The following ROBO2 variants were observed in gnomAD, a reference collection of about 807,000 sequenced individuals.
ROBO2 encodes roundabout homolog 2.
ROBO2 carries 53 observed loss-of-function variants against 160.8 expected under a neutral mutation model. The ratio of observed to expected loss-of-function variants is 0.33; its 90% CI spans 0.26 to 0.41. ROBO2 has a LOEUF of 0.41. ROBO2 is among the 10% of genes least tolerant of loss of function. The pLI, the probability that ROBO2 is intolerant of heterozygous loss-of-function variation, is 1.00. For missense variants in ROBO2, 1,577 were observed against 1,722.4 expected, an observed-to-expected ratio of 0.92 and a Z score of 1.49; for synonymous variants, 664 against 611.7, an observed-to-expected ratio of 1.09 and a Z score of -1.26.
chr3:76,372,882 C>T (rs1188960320), intron 2 of ROBO2, among the ~76,000 whole-genome samples: 1 of 152,034 alleles, frequency 6.6e-6, no homozygotes, highest in East Asian at 1.9e-4. Flanking sequence ...CTTCCAGAAC[C>T]AGATCAAACA....
At chr3:76,065,221 C>T (rs955771893) in intron 2 of ROBO2, among the ~76,000 whole-genome samples, 6 of 152,028 alleles carry the variant, frequency 3.9e-5, no homozygotes, top group Non-Finnish European at 7.4e-5. Flanking sequence ...CCCAAAAATG[C>T]TTTAAACAAT....
intron 2 of ROBO2, among the ~76,000 whole-genome samples, chr3:76,630,731 G>A (rs1448514991): frequency 3.9e-5 from 6 of 152,192 alleles, no homozygotes; most frequent in South Asian, 4.1e-4. Flanking sequence ...GACTCCAGGT[G>A]TGTAAGATCA....
In ROBO2 at chr3:75,928,760, C is replaced by T. The variant is rs116194455; in HGVS notation, c.-13-8721C>T. Reference sequence around the variant, plus strand: ...GTACCTTCAAACATGAGATCTGCAGCTGGTTAAGACGTGTGTGTGTGTGTG... The same window carrying T: ...GTACCTTCAAACATGAGATCTGCAGTTGGTTAAGACGTGTGTGTGTGTGTG... On this transcript the variant is annotated intron_variant, in intron 1 of 26. Transcript: ENST00000487694. 4.9e-3 allele frequency among the ~76,000 whole-genome samples: 742 copies of T among 151,968 alleles called. 7 individuals are homozygous for T. Among genetic ancestry groups the T allele is most frequent in the African/African-American group, 0.017 (710 of 41,414 alleles).
At chr3:76,142,843 T>C (rs530773087) in intron 2 of ROBO2, among the ~76,000 whole-genome samples, 2 of 151,986 alleles carry the variant, frequency 1.3e-5, no homozygotes, top group Non-Finnish European at 2.9e-5. Context: ...GCTTGAGGGA[T>C]GAATACCTAT....
chr3:77,229,642 C>T (rs903661707), intron 2 of ROBO2, among the ~76,000 whole-genome samples: 2 of 146,058 alleles, frequency 1.4e-5, no homozygotes, highest in Non-Finnish European at 3.0e-5. Context: ...GCCCAGGCAA[C>T]AGAGTAAGGG....
At chr3:75,979,503 T>TC (rs1289224588) in intron 2 of ROBO2, among the ~76,000 whole-genome samples, 1 of 151,462 alleles carries the variant, frequency 6.6e-6, no homozygotes, top group African/African-American at 2.4e-5. Context: ...GAAAAATGGT[T>TC]CCGAGGACAG....
At chr3:77,353,185 A>T (rs2153460072) in intron 2 of ROBO2, among the ~76,000 whole-genome samples, 1 of 152,280 alleles carries the variant, frequency 6.6e-6, no homozygotes, top group Non-Finnish European at 1.5e-5. Context: ...GTAACTTTGT[A>T]GTCTCTCTAA....
At chr3:76,688,713 C>T (rs2092736053) in intron 2 of ROBO2, among the ~76,000 whole-genome samples, 1 of 151,518 alleles carries the variant, frequency 6.6e-6, no homozygotes, top group Non-Finnish European at 1.5e-5. Flanking sequence ...CATTATTTTC[C>T]TGTGAATGAG....
intron 2 of ROBO2, among the ~76,000 whole-genome samples, chr3:77,238,218 T>C (rs2088388642): frequency 6.6e-6 from 1 of 152,222 alleles, no homozygotes; most frequent in Non-Finnish European, 1.5e-5. Flanking sequence ...ATGTAGCATA[T>C]AGTTTTTATT....
At chr3:76,834,167 T>C (rs11716154) in intron 2 of ROBO2, among the ~76,000 whole-genome samples, 1 of 120,992 alleles carries the variant, frequency 8.3e-6, no homozygotes, top group African/African-American at 3.1e-5. Context: ...CTCTCTTTCT[T>C]TCTTTCTCTC....
chr3:77,142,565 G>A (rs1403332817), intron 2 of ROBO2, among the ~76,000 whole-genome samples: 1 of 152,112 alleles, frequency 6.6e-6, no homozygotes, highest in Non-Finnish European at 1.5e-5. Context: ...TTTGCTATTG[G>A]AGCCTGTTGC....
At chr3:76,231,349 C>T (rs1156958647) in intron 2 of ROBO2, among the ~76,000 whole-genome samples, 1 of 152,128 alleles carries the variant, frequency 6.6e-6, no homozygotes, top group Non-Finnish European at 1.5e-5. Flanking sequence ...CCCTTAGCAC[C>T]CACTGCTCTG....
intron 2 of ROBO2, among the ~76,000 whole-genome samples, chr3:76,542,279 A>G (rs1378583938): frequency 1.3e-5 from 2 of 152,146 alleles, no homozygotes; most frequent in African/African-American, 4.8e-5. Context: ...GCAGGAATGT[A>G]TAATAGTGAT....
At chr3:76,085,415 C>CA (rs1331676634) in intron 2 of ROBO2, among the ~76,000 whole-genome samples, 3 of 151,864 alleles carry the variant, frequency 2.0e-5, no homozygotes, top group Non-Finnish European at 4.4e-5. Flanking sequence ...AAAAGGTAAA[C>CA]AAAAAACCAC....
chr3:77,187,688 A>C (rs2081402384), intron 2 of ROBO2, among the ~76,000 whole-genome samples: 1 of 151,930 alleles, frequency 6.6e-6, no homozygotes, highest in Admixed American at 6.6e-5. Flanking sequence ...GGCACTTGGA[A>C]TCTCTCTTCA....
At chr3:76,065,905 A>G (rs2068238744) in intron 2 of ROBO2, among the ~76,000 whole-genome samples, 1 of 151,942 alleles carries the variant, frequency 6.6e-6, no homozygotes. Context: ...ATCCCATGGC[A>G]GTGCAGATGA....
chr3:76,214,643 G>T (rs918715021), intron 2 of ROBO2, among the ~76,000 whole-genome samples: 31 of 152,194 alleles, frequency 2.0e-4, no homozygotes, highest in African/African-American at 7.2e-4. Flanking sequence ...TGAGGCTTGA[G>T]TAGGTAAACA....
chr3:77,468,128 AG>A (rs1163632950), intron 2 of ROBO2, among the ~76,000 whole-genome samples: 1 of 152,176 alleles, frequency 6.6e-6, no homozygotes, highest in Admixed American at 6.5e-5. Context: ...TCTTTAAGGG[AG>A]AAAGAAAAGG....
intron 2 of ROBO2, among the ~76,000 whole-genome samples, chr3:76,911,422 G>A (rs1297114364): frequency 6.6e-6 from 1 of 152,160 alleles, no homozygotes; most frequent in Non-Finnish European, 1.5e-5. Context: ...ATACAAGGAA[G>A]TTACTGTTGG....
Sources: allele counts gnomAD v4.1 joint callset (sites outside exome capture counted in the v4.1 genomes callset), GRCh38; gene constraint gnomAD v4.1.1; transcripts MANE v1.5; gene names NCBI Gene and HGNC (gene_info 2026-07-23, HGNC 2026-07-21).